The following TACC1 variants were observed in gnomAD, a reference collection of about 807,000 sequenced individuals.
TACC1 encodes transforming acidic coiled-coil-containing protein 1.
Under a neutral mutation model 84.4 loss-of-function variants are expected in TACC1, and 48 were observed. The ratio of observed to expected loss-of-function variants is 0.57; its 90% CI spans 0.45 to 0.72. TACC1 has a LOEUF of 0.72. Ranked by LOEUF, TACC1 falls within the 30% of genes least tolerant of loss-of-function variation. The pLI is 0.00. For synonymous variants in TACC1, 372 were observed against 376.3 expected (o/e 0.99, Z 0.13); for missense variants, 920 against 973.0 (o/e 0.95, Z 0.72).
intron 8 of TACC1, 61 bp from the exon 9 acceptor site, chr8:38,840,163 T>C (rs1830957697): frequency 1.5e-6 from 2 of 1,317,562 alleles, no homozygotes; most frequent in African/African-American, 1.5e-5. Context: ...GGACAGCATT[T>C]CTCCAACTTT....
In TACC1 at chr8:38,848,129, A is replaced by C. The variant is rs1372385929; in HGVS notation, c.*106A>C. 2.6e-6 allele frequency: 3 copies of C among 1,132,296 alleles called. No homozygotes were observed. In the East Asian group the frequency reaches 7.6e-5, roughly 29 times the overall value. 70.1% of individuals were successfully genotyped at this position (1,132,296 alleles called of 1,614,324 possible). A position where few individuals can be genotyped will look rare whatever the true frequency, so the allele number is the denominator to read the frequency against. On this transcript the variant is annotated 3_prime_UTR_variant, in exon 13 of 13. Transcript: ENST00000317827. The stretch of plus-strand genomic sequence containing the variant: ...AATTGCCCCTTTGCAGAGAAAAAAA[A>C]AAACTTAAAAAAAGCACATGCCTAC...
chr8:38,808,407 C>CT lies in TACC1; in HGVS notation c.278-11112dup, dbSNP rs113313076. 1.6e-4 allele frequency among the ~76,000 whole-genome samples: 24 copies of CT among 152,192 alleles called. 3 individuals are homozygous for CT. The highest frequency in any genetic ancestry group is 5.3e-4 in the African/African-American group (22 of 41,518). On this transcript the variant is annotated intron_variant, in intron 2 of 12. Coordinates refer to ENST00000317827, the MANE Select transcript of TACC1 (RefSeq NM_006283.3). ...TGGTGTGATACTTGAAGTTTAGGTTCTTTCCTTTCCTTTTTCTTTTCATTT... is the reference window on the plus strand; with the variant it reads ...TGGTGTGATACTTGAAGTTTAGGTTCTTTTCCTTTCCTTTTTCTTTTCATTT...
At chr8:38,844,740 T>C (rs924226034) in intron 11 of TACC1, 1 of 152,364 alleles carries the variant, frequency 6.6e-6, no homozygotes, top group East Asian at 1.9e-4. Context: ...TTTACTTTTA[T>C]GTGCTGAAAT....
intron 2 of TACC1, among the ~76,000 whole-genome samples, chr8:38,797,111 C>A (rs1351863360): frequency 6.6e-6 from 1 of 152,250 alleles, no homozygotes; most frequent in East Asian, 1.9e-4. Context: ...TGGACCACTG[C>A]TGGGTTGCTT....
intron 1 of TACC1, among the ~76,000 whole-genome samples, chr8:38,728,960 TTTTC>T (rs972362760): frequency 3.9e-5 from 6 of 152,360 alleles, no homozygotes; most frequent in African/African-American, 1.4e-4. Flanking sequence ...GATTTTGCTC[TTTTC>T]TTTATTTTCT....
chr8:38,766,289 A>T (rs1333252406), intron 3 of TACC1, among the ~76,000 whole-genome samples: 1 of 152,188 alleles, frequency 6.6e-6, no homozygotes, highest in Non-Finnish European at 1.5e-5. Context: ...GTACAGTTTT[A>T]TCTTTATCAA....
intron 3 of TACC1, among the ~76,000 whole-genome samples, chr8:38,765,196 C>T (rs540003447): frequency 2.0e-5 from 3 of 150,790 alleles, no homozygotes; most frequent in South Asian, 2.1e-4. Context: ...TTATTTCTGC[C>T]TCATTAAACC....
chr8:38,747,889 T>C (rs931170495), intron 3 of TACC1, among the ~76,000 whole-genome samples: 1 of 152,176 alleles, frequency 6.6e-6, no homozygotes, highest in South Asian at 2.1e-4. Context: ...GTAGGTTCAT[T>C]GATTGTAGCA....
rs554765404 is a variant in TACC1, at chr8:38,813,903, C to T, written c.278-5619C>T. Among the ~76,000 whole-genome samples the T allele has an allele frequency of 7.9e-5, 12 of 152,188 alleles. No individual in the cohort carries two copies. The South Asian group carries it at 1.2e-3, about 16-fold the overall frequency. ...TATGTATACATCATTGAGAAAGGGGCGTTTCATAGAAATTAAGCTGGGGCA... is the reference window on the plus strand; with the variant it reads ...TATGTATACATCATTGAGAAAGGGGTGTTTCATAGAAATTAAGCTGGGGCA... On this transcript the variant is annotated intron_variant, in intron 2 of 12. Transcript: ENST00000317827.
intron 8 of TACC1, chr8:38,839,201 T>A (rs1397518787): frequency 5.4e-6 from 2 of 369,258 alleles, no homozygotes; most frequent in Non-Finnish European, 9.7e-6. Flanking sequence ...TAATACTTTT[T>A]AAAAATTAAT....
intron 3 of TACC1, among the ~76,000 whole-genome samples, chr8:38,763,385 G>C (rs375453175): frequency 6.6e-6 from 1 of 151,868 alleles, no homozygotes; most frequent in African/African-American, 2.4e-5. Context: ...TCAAACTCCC[G>C]GCCTCAAATA....
At chr8:38,732,237 T>A (rs976611341) in intron 1 of TACC1, among the ~76,000 whole-genome samples, 2 of 152,024 alleles carry the variant, frequency 1.3e-5, no homozygotes, top group Non-Finnish European at 2.9e-5. Context: ...TGTAATTTAT[T>A]TACCTTTGTA....
rs549887922 is a variant in TACC1 at position 38,816,145 on chromosome 8, G to T, written c.278-3377G>T. 1.4e-3 allele frequency among the ~76,000 whole-genome samples: 213 copies of T among 152,178 alleles called. 1 individual carries two copies. Among genetic ancestry groups the T allele is most frequent in the South Asian group, 8.5e-3 (41 of 4,822 alleles). On this transcript the variant is annotated intron_variant, in intron 2 of 12. Coordinates refer to ENST00000317827, the MANE Select transcript of TACC1 (RefSeq NM_006283.3). The stretch of plus-strand genomic sequence containing the variant: ...CTGTAAGAGGAGCAGAGGGGAATTT[G>T]TGTTTCAGATTTGAGTTATTAACAA...
chr8:38,741,616 A>G (rs1460786879), intron 1 of TACC1, among the ~76,000 whole-genome samples: 1 of 152,192 alleles, frequency 6.6e-6, no homozygotes, highest in African/African-American at 2.4e-5. Context: ...CTAAAGCCAG[A>G]ACCTGCTGGG....
intron 2 of TACC1, among the ~76,000 whole-genome samples, chr8:38,811,948 C>T (rs934691599): frequency 1.3e-5 from 2 of 151,958 alleles, no homozygotes; most frequent in African/African-American, 2.4e-5. Flanking sequence ...ATAATTAATA[C>T]CCTGGGGAAA....
Position 38,768,121 on chromosome 8 carries a change from T to A in TACC1, c.27-20583T>A, listed in dbSNP as rs1224495323. ...GAAGGAAGGAAGGAAGGAAGGAAGG[T>A]AGGGGAAGGGAAGGGAGGGAGGAAG... is the stretch of plus-strand genomic sequence containing the variant. On this transcript the variant is annotated intron_variant, in intron 3 of 14. Coordinates refer to the TACC1 transcript ENST00000518415. 2.5e-4 allele frequency among the ~76,000 whole-genome samples: 29 copies of A among 115,110 alleles called. 1 individual carries two copies. The highest frequency in any genetic ancestry group is 8.7e-4 in the African/African-American group (26 of 29,726). 75.5% of individuals were successfully genotyped at this position (115,110 alleles called of 152,430 possible).
At chr8:38,731,741 AAC>A (rs1804962820) in intron 1 of TACC1, among the ~76,000 whole-genome samples, 1 of 140,650 alleles carries the variant, frequency 7.1e-6, no homozygotes, top group African/African-American at 2.8e-5. Flanking sequence ...AACTGAAAAC[AAC>A]AACAACAACA....
intron 5 of TACC1, among the ~76,000 whole-genome samples, chr8:38,830,367 C>T (rs530139501): frequency 4.3e-4 from 66 of 152,294 alleles, no homozygotes; most frequent in Non-Finnish European, 7.8e-4. Flanking sequence ...CTCCAGCTCC[C>T]GGGTTCAAGC....
chr8:38,797,424 G>T (rs562841226), intron 2 of TACC1, among the ~76,000 whole-genome samples: 2 of 152,152 alleles, frequency 1.3e-5, no homozygotes, highest in Non-Finnish European at 2.9e-5. Context: ...TTCCTTTGGC[G>T]TCTCTTCACT....
Sources: gnomAD v4.1 joint callset for allele counts (sites outside exome capture counted in the v4.1 genomes callset) on GRCh38, gnomAD v4.1.1 for gene constraint, MANE v1.5 for transcripts, NCBI Gene and HGNC (gene_info 2026-07-23, HGNC 2026-07-21) for gene names.